The following C15orf39 variants were observed in gnomAD, a reference collection of about 807,000 sequenced individuals.
C15orf39 encodes the protein PRMT2 interacting protein.
A neutral mutation model predicts 53.9 loss-of-function variants in C15orf39; 24 were observed. That is an observed-to-expected ratio of 0.45 (90% CI 0.32 to 0.63). C15orf39 has a LOEUF of 0.63. C15orf39 is among the 20% of genes least tolerant of loss of function. The probability of loss-of-function intolerance (pLI) is 0.04; values close to 1 mark genes in which losing one functional copy is unlikely to be tolerated. For missense variants in C15orf39, 1,271 were observed against 1,347.9 expected, an observed-to-expected ratio of 0.94 and a Z score of 0.89; for synonymous variants, 569 against 576.5, an observed-to-expected ratio of 0.99 and a Z score of 0.19.
chr15:75,206,324 G>A lies in C15orf39; in HGVS notation c.276G>A (p.Leu92=), dbSNP rs2070437649. Residue 92 remains leucine, a synonymous_variant, in exon 2 of 3, where the codon CTG becomes CTA. Transcript: ENST00000394987. ...CAGACAACCTGCTGACCAACTGCCTGTTCTACCGCTCGCCAGCAGAAGGCC... is the reference window on the plus strand; with the variant it reads ...CAGACAACCTGCTGACCAACTGCCTATTCTACCGCTCGCCAGCAGAAGGCC... ...LQADNLLTNC[L]FYRSPAEGPE... is the part of the protein sequence containing the mutation. 6.2e-7 allele frequency: 1 copy of A among 1,614,054 alleles called. No individual in the cohort carries two copies. Among genetic ancestry groups the A allele is most frequent in the Non-Finnish European group, 8.5e-7 (1 of 1,179,998 alleles).
Position 75,204,780 on chromosome 15 carries a change from G to T in C15orf39, c.-50-1219G>T, listed in dbSNP as rs113974703. On this transcript the variant is annotated intron_variant, in intron 1 of 2. Transcript: ENST00000394987. ...ACACCTCGGCTTCCCAAAGTGCTGG[G>T]ATTACAGGTGTGAGCCACAGCACCT... is the stretch of plus-strand genomic sequence containing the variant. Among the ~76,000 whole-genome samples the T allele has an allele frequency of 8.9e-3, 1,360 of 152,270 alleles. 28 individuals carry two copies. Among genetic ancestry groups the T allele is most frequent in the African/African-American group, 0.031 (1,290 of 41,532 alleles).
Position 75,208,644 on chromosome 15 carries a change from C to T in C15orf39, c.2596C>T (p.Leu866=). ...RLPPASVDHV[L]QEHRVELRPT... The stretch of plus-strand genomic sequence containing the variant: ...GCCACCCGCTTCTGTGGACCATGTG[C>T]TGCAGGAGCATCGTGTGGAGCTGCG... Residue 866 remains leucine, a synonymous_variant, in exon 2 of 3, where the codon CTG becomes TTG. Coordinates refer to ENST00000394987, the MANE Select transcript of C15orf39 (RefSeq NM_015492.5). 6.2e-7 allele frequency: 1 copy of T among 1,603,762 alleles called. No individual in the cohort carries two copies. Among genetic ancestry groups the T allele is most frequent in the Non-Finnish European group, 8.5e-7 (1 of 1,176,578 alleles).
chr15:75,206,463 T>C lies in C15orf39; in HGVS notation c.415T>C (p.Cys139Arg). 6.2e-7 allele frequency: 1 copy of C among 1,614,050 alleles called. No homozygotes were observed. Among genetic ancestry groups the C allele is most frequent in the Non-Finnish European group, 8.5e-7 (1 of 1,179,976 alleles). The change falls in exon 2 of 3, where the codon TGC becomes CGC. Residue 139 changes from cysteine (C) to arginine (R), a missense_variant. This residue lies in a region of C15orf39 where 994 missense variants were observed against 993.7 expected (regional missense o/e 1.00). Transcript: ENST00000394987. Reference sequence around the variant, plus strand: ...CAAACCTGTCTACCGCAACCCTCTGTGCTATGGGCTCTCAACTTGTCTGGG... The same window carrying C: ...CAAACCTGTCTACCGCAACCCTCTGCGCTATGGGCTCTCAACTTGTCTGGG... ...APKPVYRNPL[C>R]YGLSTCLGEG...
In C15orf39 at chr15:75,206,287, C is replaced by G; in HGVS notation, c.239C>G (p.Pro80Arg). 1 of 1,614,042 alleles carries G rather than the reference C, an allele frequency of 6.2e-7. No individual in the cohort carries two copies. Residue 80 changes from proline (P) to arginine (R), a missense_variant, in exon 2 of 3, where the codon CCC (proline) becomes CGC (arginine). Coordinates refer to ENST00000394987, the MANE Select transcript of C15orf39 (RefSeq NM_015492.5). Reference sequence around the variant, plus strand: ...TTGTACTCTACCGGTATGGCAGGACCCCCACTTCAGGCAGACAACCTGCTG... The same window carrying G: ...TTGTACTCTACCGGTATGGCAGGACGCCCACTTCAGGCAGACAACCTGCTG... ...PPLYSTGMAGPPLQADNLLTN... is the reference protein window; with the variant it reads ...PPLYSTGMAGRPLQADNLLTN...
In C15orf39 at chr15:75,207,258, G is replaced by A; in HGVS notation, c.1210G>A (p.Val404Met). The change falls in exon 2 of 3, where the codon GTG (valine) becomes ATG (methionine). Residue 404 changes from valine to methionine, a missense_variant. Coordinates refer to ENST00000394987, the MANE Select transcript of C15orf39 (RefSeq NM_015492.5). ...AGGGACACCACCTTCCCAGAACAAT[G>A]TGCGGGCTGTGCCACAGCCTGGTGC... is the stretch of plus-strand genomic sequence containing the variant. ...LGGTPPSQNN[V>M]RAVPQPGAFQ... 1 of 1,613,606 alleles carries A rather than the reference G, an allele frequency of 6.2e-7. No individual in the cohort carries two copies. Among genetic ancestry groups the A allele is most frequent in the Non-Finnish European group, 8.5e-7 (1 of 1,179,978 alleles).
At chr15:75,210,650 T>G in intron 2 of C15orf39, 99 bp from the exon 3 acceptor site, 1 of 1,479,946 alleles carries the variant, frequency 6.8e-7, no homozygotes, top group Non-Finnish European at 9.0e-7. Flanking sequence ...CCAGCCTGAC[T>G]TGGGGCAGAG....
In C15orf39 at chr15:75,207,406, G is replaced by A. The variant is rs750032775; in HGVS notation, c.1358G>A (p.Arg453Gln). ...PSCRKEKLQP[R>Q]LSEHSGPPIV... The stretch of plus-strand genomic sequence containing the variant: ...TGCAGGAAAGAGAAGCTCCAGCCCC[G>A]GCTCAGTGAGCACTCTGGGCCGCCC... Residue 453 changes from arginine to glutamine, a missense_variant, in exon 2 of 3, where the codon CGG (arginine) becomes CAG (glutamine). Physicochemically the swap from Arg to Gln is conservative, Grantham distance 43. This residue lies in a region of C15orf39 where 994 missense variants were observed against 993.7 expected (regional missense o/e 1.00). Coordinates refer to ENST00000394987, the MANE Select transcript of C15orf39 (RefSeq NM_015492.5). 30 of 1,613,210 alleles carry A rather than the reference G, an allele frequency of 1.9e-5. No individual in the cohort carries two copies. The highest frequency in any genetic ancestry group is 1.3e-4 in the Admixed American group (8 of 59,994).
rs1214397580 is a variant in C15orf39, at chr15:75,208,614, C to T, written c.2566C>T (p.Arg856Trp). ...CCTGGTGAAGGAGCGGCTCTTCCCT[C>T]GGCTGCCACCCGCTTCTGTGGACCA... ...IHLVKERLFP[R>W]LPPASVDHVL... Residue 856 changes from arginine (R) to tryptophan (W), a missense_variant, in exon 2 of 3, where the codon CGG becomes TGG. Arg to Trp is a moderately radical substitution (Grantham distance 101, BLOSUM62 -3). Coordinates refer to ENST00000394987, the MANE Select transcript of C15orf39 (RefSeq NM_015492.5). 8 of 1,587,244 alleles carry T rather than the reference C, an allele frequency of 5.0e-6. No homozygotes were observed. Among genetic ancestry groups the T allele is most frequent in the Middle Eastern group, 1.7e-4 (1 of 6,054 alleles).
At chr15:75,209,055 A>G (rs945741741) in intron 2 of C15orf39, 9 of 661,628 alleles carry the variant, frequency 1.4e-5, no homozygotes, top group Admixed American at 1.2e-4. Context: ...CTCTGTCCCC[A>G]TGGAAACTCC....
chr15:75,203,062 G>A lies in C15orf39; in HGVS notation c.-51+1003G>A, dbSNP rs905152352. Among the ~76,000 whole-genome samples, 43 of 152,260 alleles carry A rather than the reference G, an allele frequency of 2.8e-4. 2 individuals are homozygous for A. In the East Asian group the frequency reaches 3.8e-3, roughly 14 times the overall value. On this transcript the variant is annotated intron_variant, in intron 1 of 2. Transcript: ENST00000394987. ...GCGTCTGGAGAGCCCAGAGCCTCAG[G>A]TAGGGAAGGTGGGAGATGGGAGAAC...
chr15:75,201,943 C>T lies in C15orf39; in HGVS notation c.-167C>T, dbSNP rs965327521. 1 of 152,016 alleles carries T rather than the reference C, an allele frequency of 6.6e-6. No individual in the cohort carries two copies. Among genetic ancestry groups the T allele is most frequent in the Non-Finnish European group, 1.5e-5 (1 of 67,986 alleles). 9.4% of individuals were successfully genotyped at this position (152,016 alleles called of 1,614,324 possible). A position where few individuals can be genotyped will look rare whatever the true frequency, so the allele number is the denominator to read the frequency against. ...AGGGTTGCTCCGGGCTTGGTGCTCA[C>T]TGCGACTTCCCGCGCAGGGCCCGGT... On this transcript the variant is annotated 5_prime_UTR_variant, in exon 1 of 3. Transcript: ENST00000394987. This position sits in a 1 kb window ranked among gnomAD's most constrained non-coding sequence, Gnocchi z 4.7.
rs1482328734 is a variant in C15orf39 at position 75,206,952 on chromosome 15, C to T, written c.904C>T (p.Leu302Phe). 2.6e-6 allele frequency: 4 copies of T among 1,564,904 alleles called. No individual in the cohort carries two copies. In the Admixed American group the frequency reaches 7.3e-5, roughly 29 times the overall value. The change falls in exon 2 of 3, where the codon CTC becomes TTC. Residue 302 changes from leucine (L) to phenylalanine (F), a missense_variant. Physicochemically the swap from Leu to Phe is conservative, Grantham distance 22. This residue lies in a region of C15orf39 where 994 missense variants were observed against 993.7 expected (regional missense o/e 1.00). Transcript: ENST00000394987. ...PEKQGSYSPALPLQPLGGHKG... is the reference protein window; with the variant it reads ...PEKQGSYSPAFPLQPLGGHKG... Reference sequence around the variant, plus strand: ...GAAGCAGGGCAGCTACAGCCCAGCACTCCCACTGCAGCCTCTGGGGGGCCA... The same window carrying T: ...GAAGCAGGGCAGCTACAGCCCAGCATTCCCACTGCAGCCTCTGGGGGGCCA...
upstream of C15orf39, among the ~76,000 whole-genome samples, chr15:75,200,600 G>A (rs1042673152): frequency 1.3e-5 from 2 of 152,138 alleles, no homozygotes; most frequent in Non-Finnish European, 2.9e-5. Flanking sequence ...ATGATGTTTG[G>A]TGTGACCCCT....
intron 2 of C15orf39, among the ~76,000 whole-genome samples, chr15:75,210,062 G>C (rs1408440082): frequency 6.6e-6 from 1 of 152,164 alleles, no homozygotes; most frequent in African/African-American, 2.4e-5. Flanking sequence ...AGAGGGTCAG[G>C]TCTGTTTCTC....
chr15:75,206,877 C>A lies in C15orf39; in HGVS notation c.829C>A (p.Pro277Thr), dbSNP rs768423656. 4.7e-6 allele frequency: 7 copies of A among 1,482,394 alleles called. No individual in the cohort carries two copies. The highest frequency in any genetic ancestry group is 6.3e-6 in the Non-Finnish European group (7 of 1,117,334). The allele number at this position is 1,482,394 out of a possible 1,614,324, so 91.8% of individuals were successfully genotyped here. A position where few individuals can be genotyped will look rare whatever the true frequency, so the allele number is the denominator to read the frequency against. ...THYPPPHHPP[P>T]HPPQALPCPP... ...CTACCCACCACCCCACCACCCACCACCCCACCCTCCACAGGCCCTGCCTTG... is the reference window on the plus strand; with the variant it reads ...CTACCCACCACCCCACCACCCACCAACCCACCCTCCACAGGCCCTGCCTTG... The change falls in exon 2 of 3, where the codon CCC becomes ACC. Residue 277 changes from proline to threonine, a missense_variant. By Grantham distance (38) the Pro-to-Thr change is conservative. Coordinates refer to ENST00000394987, the MANE Select transcript of C15orf39 (RefSeq NM_015492.5).
In C15orf39 at chr15:75,201,927, C is replaced by T. The variant is rs1010417637; in HGVS notation, c.-183C>T. 1.3e-5 allele frequency: 2 copies of T among 152,080 alleles called. No individual in the cohort carries two copies. The highest frequency in any genetic ancestry group is 2.1e-4 in the South Asian group (1 of 4,832). 9.4% of individuals were successfully genotyped at this position (152,080 alleles called of 1,614,324 possible). A position where few individuals can be genotyped will look rare whatever the true frequency, so the allele number is the denominator to read the frequency against. ...GCGAACGGCAGCTAGGAGGGTTGCT[C>T]CGGGCTTGGTGCTCACTGCGACTTC... On this transcript the variant is annotated 5_prime_UTR_variant, in exon 1 of 3. Coordinates refer to ENST00000394987, the MANE Select transcript of C15orf39 (RefSeq NM_015492.5). The surrounding 1 kb of genome is among the most constrained non-coding windows in gnomAD (Gnocchi z 4.7).
chr15:75,200,535 G>A (rs2070394477), upstream of C15orf39, among the ~76,000 whole-genome samples: 1 of 152,184 alleles, frequency 6.6e-6, no homozygotes, highest in South Asian at 2.1e-4. Flanking sequence ...GTTGGTAAGG[G>A]GCAAGAGCAG....
upstream of C15orf39, among the ~76,000 whole-genome samples, chr15:75,200,881 C>T (rs1026508798): frequency 5.3e-5 from 8 of 151,370 alleles, no homozygotes; most frequent in Admixed American, 4.6e-4. Context: ...CGCCCAGCCC[C>T]TCCTCCTCAG....
At position 75,206,484 on chromosome 15, in the gene C15orf39, C is replaced by A. The variant is rs2070439311; in HGVS notation, c.436C>A (p.Leu146Met). The A allele has an allele frequency of 1.2e-6, 2 of 1,613,964 alleles. No homozygotes were observed. Among genetic ancestry groups the A allele is most frequent in the African/African-American group, 1.3e-5 (1 of 74,910 alleles). ...TCTGTGCTATGGGCTCTCAACTTGTCTGGGGGAAGGAGCAGTGAAGAGGCC... is the reference window on the plus strand; with the variant it reads ...TCTGTGCTATGGGCTCTCAACTTGTATGGGGGAAGGAGCAGTGAAGAGGCC... ...NPLCYGLSTC[L>M]GEGAVKRPLD... Residue 146 changes from leucine to methionine, a missense_variant, in exon 2 of 3, where the codon CTG becomes ATG. Leu to Met is a conservative substitution (Grantham distance 15, BLOSUM62 2). This residue lies in a region of C15orf39 where 994 missense variants were observed against 993.7 expected (regional missense o/e 1.00). Transcript: ENST00000394987.
Sources: allele counts gnomAD v4.1 joint callset (sites outside exome capture counted in the v4.1 genomes callset), GRCh38; gene constraint gnomAD v4.1.1; regional missense constraint gnomAD v4.1.1; non-coding constraint Gnocchi (gnomAD v3.1); transcripts MANE v1.5; gene names NCBI Gene and HGNC (gene_info 2026-07-23, HGNC 2026-07-21).